ERC2: variants seen among roughly 807,000 people sequenced by gnomAD.
ERC2 encodes ELKS/RAB6-interacting/CAST family member 2, also known as ERC protein 2.
A neutral mutation model predicts 114.8 loss-of-function variants in ERC2; 42 were observed. The observed-to-expected ratio is 0.37, with a 90% CI of 0.29 to 0.47. ERC2 has a LOEUF of 0.47. ERC2 is among the 20% of genes least tolerant of loss of function. ERC2 has a pLI of 0.99. For missense variants in ERC2, 939 were observed against 1,150.7 expected (o/e 0.82, Z 2.66); for synonymous variants, 454 against 425.5 (o/e 1.07, Z -0.82).
intron 2 of ERC2, among the ~76,000 whole-genome samples, chr3:56,331,520 A>G (rs2150457507): frequency 6.6e-6 from 1 of 152,322 alleles, no homozygotes; most frequent in South Asian, 2.1e-4. Context: ...TAACACAGTA[A>G]TGATACTCCA....
At chr3:56,227,429 TAA>T (rs370289007) in intron 3 of ERC2, among the ~76,000 whole-genome samples, 6 of 145,570 alleles carry the variant, frequency 4.1e-5, no homozygotes, top group Non-Finnish European at 6.0e-5. Flanking sequence ...TTTTTTTAAT[TAA>T]AAAAAAAAAT....
At chr3:56,297,307 A>T (rs1377122662) in intron 2 of ERC2, among the ~76,000 whole-genome samples, 1 of 152,134 alleles carries the variant, frequency 6.6e-6, no homozygotes, top group Non-Finnish European at 1.5e-5. Context: ...TTTGATAGAC[A>T]TGGAAAAAAA....
chr3:55,893,337 A>G (rs1183546235), intron 13 of ERC2, among the ~76,000 whole-genome samples: 1 of 152,012 alleles, frequency 6.6e-6, no homozygotes, highest in Non-Finnish European at 1.5e-5. Flanking sequence ...AGGCATTTCC[A>G]CCATCCACAT....
At chr3:56,080,445 C>A (rs28463735) in intron 7 of ERC2, among the ~76,000 whole-genome samples, 30,014 of 152,074 alleles carry the variant, frequency 0.2, 3,322 homozygotes, top group African/African-American at 0.29. Context: ...GTTTATGTGA[C>A]TATCAAATGT....
chr3:55,759,462 T>TAAAAAC (rs2067271631), intron 14 of ERC2, among the ~76,000 whole-genome samples: 2 of 36,062 alleles, frequency 5.5e-5, no homozygotes, highest in African/African-American at 2.1e-4. Context: ...TCTCTTTCAT[T>TAAAAAC]AAAAAAAAAA....
intron 3 of ERC2, among the ~76,000 whole-genome samples, chr3:56,189,753 A>G (rs1433976142): frequency 1.3e-5 from 2 of 152,142 alleles, no homozygotes; most frequent in Admixed American, 6.6e-5. Context: ...CATGCATGGA[A>G]TTGGAGCTTT....
intron 14 of ERC2, among the ~76,000 whole-genome samples, chr3:55,865,705 A>G (rs1332380257): frequency 6.6e-6 from 1 of 152,120 alleles, no homozygotes; most frequent in Non-Finnish European, 1.5e-5. Context: ...TAGATCATAC[A>G]ATGTGGCCTT....
chr3:55,910,799 G>T (rs1278525727), intron 13 of ERC2, among the ~76,000 whole-genome samples: 1 of 152,186 alleles, frequency 6.6e-6, no homozygotes, highest in African/African-American at 2.4e-5. Flanking sequence ...TGGCACAGCT[G>T]GGATTTGAAC....
chr3:56,091,815 G>A (rs1436369031), intron 6 of ERC2, among the ~76,000 whole-genome samples: 2 of 152,140 alleles, frequency 1.3e-5, no homozygotes, highest in African/African-American at 4.8e-5. Context: ...GGCCTTTCAA[G>A]GCGTCTAGTT....
At chr3:56,003,003 T>C in intron 10 of ERC2, 1 of 942,922 alleles carries the variant, frequency 1.1e-6, no homozygotes. Flanking sequence ...AACTCAAATA[T>C]TTTCAAAACC....
At chr3:55,519,012 G>T (rs1220622684) in intron 17 of ERC2, among the ~76,000 whole-genome samples, 3 of 152,216 alleles carry the variant, frequency 2.0e-5, no homozygotes, top group African/African-American at 7.2e-5. Context: ...ACTGACATCA[G>T]AGATGGGGGC....
chr3:56,457,456 C>A (rs914582529), intron 1 of ERC2, among the ~76,000 whole-genome samples: 1 of 152,188 alleles, frequency 6.6e-6, no homozygotes. Flanking sequence ...GCCACCCTCT[C>A]TTCCCAATGT....
chr3:55,954,977 G>T lies in ERC2; in HGVS notation c.2268-4417C>A, dbSNP rs559676778. ...ATATTCATAATATAAAATCAGGCTCGCTAAAAAGATTAAGGCAAAGGACAT... is the reference window on the plus strand; with the variant it reads ...ATATTCATAATATAAAATCAGGCTCTCTAAAAAGATTAAGGCAAAGGACAT... On this transcript the variant is annotated intron_variant, in intron 12 of 17. Transcript: ENST00000288221. Among the ~76,000 whole-genome samples, 5 of 152,006 alleles carry T rather than the reference G, an allele frequency of 3.3e-5. No individual in the cohort carries two copies. In the South Asian group the frequency reaches 1.0e-3, roughly 32 times the overall value.
At chr3:55,951,634 G>A (rs763384096) in intron 12 of ERC2, among the ~76,000 whole-genome samples, 8 of 152,102 alleles carry the variant, frequency 5.3e-5, no homozygotes, top group African/African-American at 1.9e-4. Flanking sequence ...AGGGCAGTAC[G>A]GAGGGCTCGG....
chr3:55,929,104 GA>G (rs1345624502), intron 13 of ERC2, among the ~76,000 whole-genome samples: 1 of 152,136 alleles, frequency 6.6e-6, no homozygotes, highest in Non-Finnish European at 1.5e-5. Context: ...TCAGCCAGTA[GA>G]GAGAGGCTCC....
chr3:55,796,005 GT>G lies in ERC2; in HGVS notation c.2565-61088del, dbSNP rs760240497. 1.6e-3 allele frequency among the ~76,000 whole-genome samples: 248 copies of G among 152,194 alleles called. 5 individuals are homozygous for G. The highest frequency in any genetic ancestry group is 4.8e-4 in the Non-Finnish European group (33 of 68,046). ...TAAGCAAACAAATGAAAAATGCATA[GT>G]TACATATTTTGAGAAGGGCTCCAAG... On this transcript the variant is annotated intron_variant, in intron 14 of 17. Coordinates refer to ENST00000288221, the MANE Select transcript of ERC2 (RefSeq NM_015576.3).
At chr3:56,055,020 T>C (rs1309938464) in intron 7 of ERC2, among the ~76,000 whole-genome samples, 2 of 152,114 alleles carry the variant, frequency 1.3e-5, no homozygotes, top group Non-Finnish European at 2.9e-5. Context: ...GGAAAGACAA[T>C]GCGCGTGTTA....
intron 15 of ERC2, among the ~76,000 whole-genome samples, chr3:55,709,853 T>A (rs1284946521): frequency 6.6e-6 from 1 of 152,012 alleles, no homozygotes; most frequent in Non-Finnish European, 1.5e-5. Flanking sequence ...GCTTGGCAGC[T>A]GGGAGGGAGA....
chr3:55,800,611 G>A (rs1033905273), intron 14 of ERC2, among the ~76,000 whole-genome samples: 1 of 152,092 alleles, frequency 6.6e-6, no homozygotes, highest in African/African-American at 2.4e-5. Context: ...CCTCCCTCGT[G>A]TTGGAAGCAC....
Sources: allele counts gnomAD v4.1 joint callset (sites outside exome capture counted in the v4.1 genomes callset), GRCh38; gene constraint gnomAD v4.1.1; transcripts MANE v1.5; gene names NCBI Gene and HGNC (gene_info 2026-07-23, HGNC 2026-07-21).